The following OR10Z1 variants were observed in gnomAD, a reference collection of about 807,000 sequenced individuals.
OR10Z1 encodes the protein olfactory receptor family 10 subfamily Z member 1.
For synonymous variants in OR10Z1, 187 were observed against 151.2 expected (o/e 1.24, Z -1.74); for missense variants, 468 against 371.0 (o/e 1.26, Z -2.15).
rs762941391 is a variant in OR10Z1 at position 158,606,703 on chromosome 1, G to A, written c.265G>A (p.Asp89Asn). 7 of 1,614,028 alleles carry A rather than the reference G, an allele frequency of 4.3e-6. No homozygotes were observed. The South Asian group carries it at 5.5e-5, about 13-fold the overall frequency. ...AATGCTCTCTGGCCTGGCTGGGGGGGACCAGGCTATCTCCTATGTGGGCTG... is the reference window on the plus strand; with the variant it reads ...AATGCTCTCTGGCCTGGCTGGGGGGAACCAGGCTATCTCCTATGTGGGCTG... Reference protein sequence around the residue: ...PRMLSGLAGGDQAISYVGCAA... With the variant: ...PRMLSGLAGGNQAISYVGCAA... Residue 89 changes from aspartate (D) to asparagine (N), a missense_variant, in exon 2 of 2, where the codon GAC (aspartate) becomes AAC (asparagine). By Grantham distance (23) the Asp-to-Asn change is conservative. Transcript: ENST00000641002.
At position 158,606,394 on chromosome 1, in the gene OR10Z1, A is replaced by G; in HGVS notation, c.-45A>G. 8.0e-7 allele frequency: 1 copy of G among 1,252,754 alleles called. No homozygotes were observed. The highest frequency in any genetic ancestry group is 1.1e-6 in the Non-Finnish European group (1 of 879,630). The allele number at this position is 1,252,754 out of a possible 1,614,324, so 77.6% of individuals were successfully genotyped here. ...TTAAAGAAGTTAGGCATCTACTGGCAAGGTGGAAGAAATCAACAAATCTAT... is the reference window on the plus strand; with the variant it reads ...TTAAAGAAGTTAGGCATCTACTGGCGAGGTGGAAGAAATCAACAAATCTAT... On this transcript the variant is annotated 5_prime_UTR_variant, in exon 2 of 2. Transcript: ENST00000641002.
In OR10Z1 at chr1:158,610,272, A is replaced by G. The variant is rs1649178163; in HGVS notation, c.*2892A>G. On this transcript the variant is annotated 3_prime_UTR_variant, in exon 2 of 2. Coordinates refer to ENST00000641002, the MANE Select transcript of OR10Z1 (RefSeq NM_001004478.2). ...ATGAATGGATTGGTAAGTGGGGACT[A>G]TTTGTGCAGAACGCTAGCAGTTTTA... 1 of 152,150 alleles carries G rather than the reference A, an allele frequency of 6.6e-6. No homozygotes were observed. Among genetic ancestry groups the G allele is most frequent in the Admixed American group, 6.5e-5 (1 of 15,268 alleles). The allele number at this position is 152,150 out of a possible 1,614,324, so 9.4% of individuals were successfully genotyped here. A position where few individuals can be genotyped will look rare whatever the true frequency, so the allele number is the denominator to read the frequency against.
At position 158,607,635 on chromosome 1, in the gene OR10Z1, C is replaced by A; in HGVS notation, c.*255C>A. 1 of 385,364 alleles carries A rather than the reference C, an allele frequency of 2.6e-6. No homozygotes were observed. Among genetic ancestry groups the A allele is most frequent in the Non-Finnish European group, 4.6e-6 (1 of 216,090 alleles). The allele number at this position is 385,364 out of a possible 1,614,324, so 23.9% of individuals were successfully genotyped here. ...AACTTTCAGCCTCCTAGATGCCACC[C>A]CTAGTTACTGAAACCCATTGAGAAT... On this transcript the variant is annotated 3_prime_UTR_variant, in exon 2 of 2. Coordinates refer to ENST00000641002, the MANE Select transcript of OR10Z1 (RefSeq NM_001004478.2).
rs1452285699 is a variant in OR10Z1, at chr1:158,606,355, A to G, written c.-84A>G. 4 of 831,202 alleles carry G rather than the reference A, an allele frequency of 4.8e-6. No individual in the cohort carries two copies. The highest frequency in any genetic ancestry group is 7.8e-6 in the Non-Finnish European group (4 of 513,992). The allele number at this position is 831,202 out of a possible 1,614,324, so 51.5% of individuals were successfully genotyped here. On this transcript the variant is annotated 5_prime_UTR_variant, in exon 2 of 2. Coordinates refer to ENST00000641002, the MANE Select transcript of OR10Z1 (RefSeq NM_001004478.2). Reference sequence around the variant, plus strand: ...AACAGGAACAAGAGAAAAAGAATCCATATCATCCACCTTTTAAAGAAGTTA... The same window carrying G: ...AACAGGAACAAGAGAAAAAGAATCCGTATCATCCACCTTTTAAAGAAGTTA...
rs533931778 is a variant in OR10Z1, at chr1:158,605,337, T to C, written c.-178T>C. ...TCTATCCTGCTGGGAGGCAGTCTAGTGCATGGGAGCTAAAAGGCAGGACTT... is the reference window on the plus strand; with the variant it reads ...TCTATCCTGCTGGGAGGCAGTCTAGCGCATGGGAGCTAAAAGGCAGGACTT... On this transcript the variant is annotated 5_prime_UTR_variant, in exon 1 of 2. Transcript: ENST00000641002. 2 of 152,902 alleles carry C rather than the reference T, an allele frequency of 1.3e-5. No individual in the cohort carries two copies. Among genetic ancestry groups the C allele is most frequent in the African/African-American group, 4.8e-5 (2 of 41,594 alleles). The allele number at this position is 152,902 out of a possible 1,614,324, so 9.5% of individuals were successfully genotyped here. A position where few individuals can be genotyped will look rare whatever the true frequency, so the allele number is the denominator to read the frequency against.
In OR10Z1 at chr1:158,611,466, C is replaced by T. The variant is rs1649257759; in HGVS notation, c.*4086C>T. ...GTTCCTTGGGGCTTCCCATATTACG[C>T]CATAAATGCAGGAGATGGAGAGTCT... On this transcript the variant is annotated 3_prime_UTR_variant, in exon 2 of 2. Coordinates refer to ENST00000641002, the MANE Select transcript of OR10Z1 (RefSeq NM_001004478.2). The T allele has an allele frequency of 6.4e-7, 1 of 1,564,904 alleles. No homozygotes were observed. The highest frequency in any genetic ancestry group is 1.1e-5 in the South Asian group (1 of 89,076).
Position 158,611,296 on chromosome 1 carries a change from C to T in OR10Z1, c.*3916C>T, listed in dbSNP as rs750904139. ...CCAAAGTAGGAATTGGTGAAGCCAA[C>T]GTAGTCATAGCCAGAGAGATGGCTT... On this transcript the variant is annotated 3_prime_UTR_variant, in exon 2 of 2. Coordinates refer to ENST00000641002, the MANE Select transcript of OR10Z1 (RefSeq NM_001004478.2). 1.2e-5 allele frequency: 20 copies of T among 1,613,746 alleles called. No homozygotes were observed. Among genetic ancestry groups the T allele is most frequent in the Admixed American group, 3.3e-5 (2 of 59,964 alleles).
Position 158,607,027 on chromosome 1 carries a change from C to G in OR10Z1, c.589C>G (p.Leu197Val), listed in dbSNP as rs757864312. Residue 197 changes from leucine to valine, a missense_variant, in exon 2 of 2, where the codon CTG becomes GTG. Coordinates refer to ENST00000641002, the MANE Select transcript of OR10Z1 (RefSeq NM_001004478.2). ...CTGTGGAGATACAGGCCCGAGTGAG[C>G]TGAGGATCTTTATCCTCAGTCTTTT... ...LACGDTGPSE[L>V]RIFILSLLVL... 1 of 1,614,070 alleles carries G rather than the reference C, an allele frequency of 6.2e-7. No homozygotes were observed. Among genetic ancestry groups the G allele is most frequent in the South Asian group, 1.1e-5 (1 of 91,088 alleles).
rs1398754101 is a variant in OR10Z1 at position 158,610,748 on chromosome 1, A to G, written c.*3368A>G. ...TCTTTATTTTCAAATTTAAATTTAA[A>G]CACATTCCAAAGTTTAAAAAAATTG... On this transcript the variant is annotated 3_prime_UTR_variant, in exon 2 of 2. Coordinates refer to ENST00000641002, the MANE Select transcript of OR10Z1 (RefSeq NM_001004478.2). The G allele has an allele frequency of 6.6e-6, 1 of 152,474 alleles. No homozygotes were observed. Among genetic ancestry groups the G allele is most frequent in the Non-Finnish European group, 1.5e-5 (1 of 68,360 alleles). The allele number at this position is 152,474 out of a possible 1,614,324, so 9.4% of individuals were successfully genotyped here. A position where few individuals can be genotyped will look rare whatever the true frequency, so the allele number is the denominator to read the frequency against.
rs138102169 is a variant in OR10Z1 at position 158,607,341 on chromosome 1, G to A, written c.903G>A (p.Leu301=). 730 of 1,613,576 alleles carry A rather than the reference G, an allele frequency of 4.5e-4. 1 individual carries two copies. Among genetic ancestry groups the A allele is most frequent in the Non-Finnish European group, 5.8e-4 (681 of 1,179,760 alleles). ...SLRNRAIQTA[L]RNAFRGRLLG... ...GGAATAGGGCTATACAGACAGCTCT[G>A]AGGAATGCTTTCAGAGGGAGATTGC... The change falls in exon 2 of 2, where the codon CTG becomes CTA. Residue 301 remains leucine (L), a synonymous_variant. Transcript: ENST00000641002.
In OR10Z1 at chr1:158,606,541, T is replaced by C. The variant is rs975649478; in HGVS notation, c.103T>C (p.Tyr35His). 6.8e-6 allele frequency: 11 copies of C among 1,613,768 alleles called. No homozygotes were observed. The highest frequency in any genetic ancestry group is 8.5e-6 in the Non-Finnish European group (10 of 1,179,856). ...TCTCTTTGCCTTGTTCCTCTCTCTG[T>C]ATCTAGTCACTCTGACCAGCAATGT... ...LLLFALFLSL[Y>H]LVTLTSNVFI... The change falls in exon 2 of 2, where the codon TAT becomes CAT. Residue 35 changes from tyrosine (Y) to histidine (H), a missense_variant. Transcript: ENST00000641002.
rs964342122 is a variant in OR10Z1, at chr1:158,611,167, G to A, written c.*3787G>A. ...CACACACACACACACACACACACAC[G>A]AGGCCATCTTTATCTTCCACATTTG... is the stretch of plus-strand genomic sequence containing the variant. On this transcript the variant is annotated 3_prime_UTR_variant, in exon 2 of 2. Transcript: ENST00000641002. 31 of 939,452 alleles carry A rather than the reference G, an allele frequency of 3.3e-5. No individual in the cohort carries two copies. The highest frequency in any genetic ancestry group is 1.0e-4 in the South Asian group (7 of 69,706). The allele number at this position is 939,452 out of a possible 1,614,324, so 58.2% of individuals were successfully genotyped here. A position where few individuals can be genotyped will look rare whatever the true frequency, so the allele number is the denominator to read the frequency against.
Position 158,607,245 on chromosome 1 carries a change from G to C in OR10Z1, c.807G>C (p.Glu269Asp). 1 of 1,614,088 alleles carries C rather than the reference G, an allele frequency of 6.2e-7. No homozygotes were observed. The highest frequency in any genetic ancestry group is 8.5e-7 in the Non-Finnish European group (1 of 1,179,962). The change falls in exon 2 of 2, where the codon GAG (glutamate) becomes GAC (aspartate). Residue 269 changes from glutamate (E) to aspartate (D), a missense_variant. Physicochemically the swap from Glu to Asp is conservative, Grantham distance 45. Transcript: ENST00000641002. ...YLRPKASYSL[E>D]RDQLIAMTYT... is the part of the protein sequence containing the mutation. The stretch of plus-strand genomic sequence containing the variant: ...GGCCCAAAGCCAGCTACTCTCTTGA[G>C]AGAGATCAGCTTATTGCCATGACCT...
Position 158,611,131 on chromosome 1 carries a change from GCACACACACACACACACA to G in OR10Z1, c.*3769_*3786del, listed in dbSNP as rs55832242. On this transcript the variant is annotated 3_prime_UTR_variant, in exon 2 of 2. Transcript: ENST00000641002. The stretch of plus-strand genomic sequence containing the variant: ...AAATGTAATATGCACACAAACACAA[GCACACACACACACACACA>G]CACACACACACACACACGAGGCCAT... The G allele has an allele frequency of 3.4e-5, 23 of 671,432 alleles. No individual in the cohort carries two copies. The Middle Eastern group carries it at 1.2e-3, about 34-fold the overall frequency. 41.6% of individuals were successfully genotyped at this position (671,432 alleles called of 1,614,324 possible).
chr1:158,605,849 C>T (rs868386924), intron 1 of OR10Z1, among the ~76,000 whole-genome samples: 4 of 152,168 alleles, frequency 2.6e-5, no homozygotes, highest in Non-Finnish European at 4.4e-5. Flanking sequence ...GATCAAGTTT[C>T]CCCACCTCCC....
At position 158,607,398 on chromosome 1, in the gene OR10Z1, C is replaced by A; in HGVS notation, c.*18C>A. 6.3e-7 allele frequency: 1 copy of A among 1,585,970 alleles called. No individual in the cohort carries two copies. Among genetic ancestry groups the A allele is most frequent in the Non-Finnish European group, 8.6e-7 (1 of 1,158,318 alleles). On this transcript the variant is annotated 3_prime_UTR_variant, in exon 2 of 2. Coordinates refer to ENST00000641002, the MANE Select transcript of OR10Z1 (RefSeq NM_001004478.2). ...AAGGATGAAGGTTACCCCAATAGGACACTTTCTTCTGTGTAGGCTGGGCAT... is the reference window on the plus strand; with the variant it reads ...AAGGATGAAGGTTACCCCAATAGGAAACTTTCTTCTGTGTAGGCTGGGCAT...
In OR10Z1 at chr1:158,607,140, G is replaced by T; in HGVS notation, c.702G>T (p.Gln234His). The T allele has an allele frequency of 6.2e-7, 1 of 1,613,984 alleles. No individual in the cohort carries two copies. Among genetic ancestry groups the T allele is most frequent in the Middle Eastern group, 1.7e-4 (1 of 6,060 alleles). ...TGAGGATCCCCTCTGCTGAGGGGCA[G>T]AAGAAGGCCTTCTCCACTTGTGCCT... The part of the protein sequence containing the change: ...AILRIPSAEG[Q>H]KKAFSTCASH... The change falls in exon 2 of 2, where the codon CAG (glutamine) becomes CAT (histidine). Residue 234 changes from glutamine to histidine, a missense_variant. Transcript: ENST00000641002.
In OR10Z1 at chr1:158,611,247, C is replaced by T; in HGVS notation, c.*3867C>T. 1 of 1,612,542 alleles carries T rather than the reference C, an allele frequency of 6.2e-7. No individual in the cohort carries two copies. Among genetic ancestry groups the T allele is most frequent in the Non-Finnish European group, 8.5e-7 (1 of 1,179,054 alleles). On this transcript the variant is annotated 3_prime_UTR_variant, in exon 2 of 2. Transcript: ENST00000641002. ...CCACGACACTAAGATTTTCTACGATCCACGAGGAGCTGCTTATTAGTTGCC... is the reference window on the plus strand; with the variant it reads ...CCACGACACTAAGATTTTCTACGATTCACGAGGAGCTGCTTATTAGTTGCC...
Position 158,611,097 on chromosome 1 carries a change from T to A in OR10Z1, c.*3717T>A. On this transcript the variant is annotated 3_prime_UTR_variant, in exon 2 of 2. Transcript: ENST00000641002. ...CTCCCACCCTTGAGATTTTTTAAGA[T>A]CCTACAATAAATGTAATATGCACAC... 1 of 917,038 alleles carries A rather than the reference T, an allele frequency of 1.1e-6. No individual in the cohort carries two copies. The highest frequency in any genetic ancestry group is 1.6e-5 in the South Asian group (1 of 63,550). The allele number at this position is 917,038 out of a possible 1,614,324, so 56.8% of individuals were successfully genotyped here. A position where few individuals can be genotyped will look rare whatever the true frequency, so the allele number is the denominator to read the frequency against.
Sources: allele counts gnomAD v4.1 joint callset (sites outside exome capture counted in the v4.1 genomes callset), GRCh38; gene constraint gnomAD v4.1.1; transcripts MANE v1.5; gene names NCBI Gene and HGNC (gene_info 2026-07-23, HGNC 2026-07-21).